MAPK10: variants seen among roughly 807,000 people sequenced by gnomAD.
The protein encoded by MAPK10 is mitogen-activated protein kinase 10, also known as JNK3 alpha protein kinase.
A neutral mutation model predicts 59.3 loss-of-function variants in MAPK10; 25 were observed. That is an observed-to-expected ratio of 0.42 (90% CI 0.31 to 0.59). The LOEUF (loss-of-function observed/expected upper bound fraction) is 0.59. MAPK10 is among the 20% of genes least tolerant of loss of function. The probability of loss-of-function intolerance (pLI) is 0.15; values close to 1 mark genes in which losing one functional copy is unlikely to be tolerated. For missense variants in MAPK10, 351 were observed against 568.9 expected (o/e 0.62, Z 3.90); for synonymous variants, 190 against 200.5 (o/e 0.95, Z 0.44).
intron 2 of MAPK10, among the ~76,000 whole-genome samples, chr4:86,232,575 A>G (rs1330768630): frequency 6.6e-6 from 1 of 152,062 alleles, no homozygotes; most frequent in Non-Finnish European, 1.5e-5. Context: ...GGGTTTCACC[A>G]TCTTAGCCAG....
chr4:86,018,243 C>A (rs1183729855), intron 13 of MAPK10, among the ~76,000 whole-genome samples: 3 of 151,846 alleles, frequency 2.0e-5, no homozygotes, highest in African/African-American at 7.3e-5. Flanking sequence ...GGGACCACAT[C>A]TCTAGAGAAA....
intron 2 of MAPK10, among the ~76,000 whole-genome samples, chr4:86,275,843 A>C (rs2148783865): frequency 6.6e-6 from 1 of 152,190 alleles, no homozygotes; most frequent in East Asian, 1.9e-4. Flanking sequence ...ATTTAATCTC[A>C]ATGTTTCTAG....
At chr4:86,431,733 T>C (rs1717358380) in intron 1 of MAPK10, among the ~76,000 whole-genome samples, 1 of 152,198 alleles carries the variant, frequency 6.6e-6, no homozygotes, top group South Asian at 2.1e-4. Flanking sequence ...CTGAGCAGGA[T>C]GGCCAAATAT....
At chr4:86,426,719 T>C (rs1747330426) in intron 1 of MAPK10, among the ~76,000 whole-genome samples, 2 of 152,202 alleles carry the variant, frequency 1.3e-5, no homozygotes, top group African/African-American at 4.8e-5. Flanking sequence ...TCCTACGTCC[T>C]GGAATCGGAT....
chr4:86,382,511 G>A (rs9307018), intron 1 of MAPK10, among the ~76,000 whole-genome samples: 79,409 of 152,056 alleles, frequency 0.52, 22,658 homozygotes, highest in South Asian at 0.7. Flanking sequence ...CCTGTGGACC[G>A]AAAAGCATTT....
At chr4:86,107,155 C>T in intron 5 of MAPK10, 68 bp downstream of exon 5, 1 of 1,302,016 alleles carries the variant, frequency 7.7e-7, no homozygotes, top group Non-Finnish European at 1.1e-6. Flanking sequence ...TACTCAAGTA[C>T]AGACACATTT....
At chr4:86,495,551 A>T (rs941536944) in intron 1 of MAPK10, among the ~76,000 whole-genome samples, 1 of 152,244 alleles carries the variant, frequency 6.6e-6, no homozygotes, top group Non-Finnish European at 1.5e-5. Flanking sequence ...TTCCTTAATA[A>T]TATCAAACAT....
At chr4:86,304,015 T>G (rs1465690219) in intron 2 of MAPK10, among the ~76,000 whole-genome samples, 1 of 152,200 alleles carries the variant, frequency 6.6e-6, no homozygotes, top group Non-Finnish European at 1.5e-5. Flanking sequence ...TTAGTCCATT[T>G]CCAAGTCTTG....
intron 2 of MAPK10, among the ~76,000 whole-genome samples, chr4:86,235,766 C>G (rs2092152795): frequency 6.6e-6 from 1 of 152,130 alleles, no homozygotes; most frequent in South Asian, 2.1e-4. Flanking sequence ...CCTGAGTCAG[C>G]TGTGGTGGAG....
chr4:86,317,848 G>A (rs1394076552), intron 2 of MAPK10, among the ~76,000 whole-genome samples: 2 of 152,158 alleles, frequency 1.3e-5, no homozygotes, highest in African/African-American at 2.4e-5. Flanking sequence ...CACAGTGCTG[G>A]AGGCTGTAAG....
Position 86,107,678 on chromosome 4 carries a change from GAAGT to G in MAPK10, c.237-330_237-327del. 3.0e-6 allele frequency: 3 copies of G among 998,556 alleles called. No individual in the cohort carries two copies. In the South Asian group the frequency reaches 1.4e-4, roughly 46 times the overall value. 61.9% of individuals were successfully genotyped at this position (998,556 alleles called of 1,614,324 possible). On this transcript the variant is annotated intron_variant, in intron 4 of 13. Coordinates refer to ENST00000641462, the MANE Select transcript of MAPK10 (RefSeq NM_138982.4). Reference sequence around the variant, plus strand: ...TGCCTCAGTGAGTGGGTGGAATAAAGAAGTAAGACAGGCATTCAAATTTCCCACT... The same window carrying G: ...TGCCTCAGTGAGTGGGTGGAATAAAGAAGACAGGCATTCAAATTTCCCACT...
intron 3 of MAPK10, among the ~76,000 whole-genome samples, chr4:86,167,545 G>A (rs1029114105): frequency 3.3e-5 from 5 of 152,184 alleles, no homozygotes; most frequent in African/African-American, 9.6e-5. Context: ...TCATCCCTGG[G>A]ATGCAAGGGT....
chr4:86,426,457 G>T (rs1181359098), intron 1 of MAPK10, among the ~76,000 whole-genome samples: 1 of 152,180 alleles, frequency 6.6e-6, no homozygotes, highest in Admixed American at 6.5e-5. Flanking sequence ...TCAGCCAGGG[G>T]CTAGAGAAGT....
intron 2 of MAPK10, among the ~76,000 whole-genome samples, chr4:86,300,328 C>T (rs1415591848): frequency 6.6e-6 from 1 of 152,154 alleles, no homozygotes; most frequent in African/African-American, 2.4e-5. Context: ...TTCTTAATGA[C>T]TTAGAAAAGC....
intron 4 of MAPK10, among the ~76,000 whole-genome samples, chr4:86,157,598 G>A (rs925671364): frequency 1.2e-4 from 18 of 151,866 alleles, no homozygotes; most frequent in Non-Finnish European, 1.5e-5. Context: ...GCATGTCTGG[G>A]AATGGATGCA....
At chr4:86,124,937 T>G (rs1354287864) in intron 4 of MAPK10, 1 of 152,000 alleles carries the variant, frequency 6.6e-6, no homozygotes, top group Non-Finnish European at 1.5e-5. Context: ...TGTGGTATTA[T>G]GAAGTTATTT....
chr4:86,048,942 G>A (rs1029304328), intron 11 of MAPK10, among the ~76,000 whole-genome samples: 3 of 151,788 alleles, frequency 2.0e-5, no homozygotes, highest in African/African-American at 7.3e-5. Flanking sequence ...AAAGGTTCTA[G>A]GTTAATGAAG....
intron 11 of MAPK10, among the ~76,000 whole-genome samples, chr4:86,032,912 C>T (rs185140067): frequency 3.3e-5 from 5 of 152,328 alleles, no homozygotes; most frequent in Admixed American, 2.6e-4. Context: ...ACCTCACCTA[C>T]TGCAATTCAG....
At chr4:86,543,690 C>T (rs1448579400) in intron 1 of MAPK10, among the ~76,000 whole-genome samples, 2 of 151,928 alleles carry the variant, frequency 1.3e-5, no homozygotes, top group Non-Finnish European at 2.9e-5. Context: ...TACAATTAAG[C>T]ACATTTGCAA....
Sources: gnomAD v4.1 joint callset for allele counts (sites outside exome capture counted in the v4.1 genomes callset) on GRCh38, gnomAD v4.1.1 for gene constraint, MANE v1.5 for transcripts, NCBI Gene and HGNC (gene_info 2026-07-23, HGNC 2026-07-21) for gene names.